Variants in PLD5 observed in about 807,000 individuals in gnomAD.
PLD5 encodes the protein inactive phospholipase D5.
Under a neutral mutation model 61.1 loss-of-function variants are expected in PLD5, and 36 were observed. That is an observed-to-expected ratio of 0.59 (90% CI 0.45 to 0.78). The LOEUF is 0.78. Ranked by LOEUF, PLD5 falls within the 30% of genes least tolerant of loss-of-function variation. The pLI, the probability that PLD5 is intolerant of heterozygous loss-of-function variation, is 0.00. For missense variants in PLD5, 515 were observed against 644.4 expected (o/e 0.80, Z 2.17); for synonymous variants, 243 against 242.8 (o/e 1.00, Z -0.01).
In PLD5 at chr1:242,228,108, C is replaced by T. The variant is rs368098890; in HGVS notation, c.608-7993G>A. On this transcript the variant is annotated intron_variant, in intron 4 of 9. Coordinates refer to ENST00000536534, the MANE Select transcript of PLD5 (RefSeq NM_001372062.1). ...TTTAACAATGGCGTGTTCACATTTA[C>T]ACATTACACTTGCACACGAGGAAGA... Among the ~76,000 whole-genome samples the T allele has an allele frequency of 2.6e-5, 4 of 152,320 alleles. 1 individual carries two copies. Among genetic ancestry groups the T allele is most frequent in the Admixed American group, 2.6e-4 (4 of 15,306 alleles).
chr1:242,219,176 C>T (rs529406463), intron 5 of PLD5, among the ~76,000 whole-genome samples: 3 of 152,282 alleles, frequency 2.0e-5, no homozygotes, highest in Admixed American at 6.5e-5. Flanking sequence ...TGCTTTATGT[C>T]ACACTGAGGT....
chr1:242,201,314 T>C (rs940135232), intron 5 of PLD5, among the ~76,000 whole-genome samples: 2 of 152,200 alleles, frequency 1.3e-5, no homozygotes, highest in Admixed American at 1.3e-4. Context: ...GAATGATTTA[T>C]GGGCATAAAA....
intron 1 of PLD5, among the ~76,000 whole-genome samples, chr1:242,514,491 G>A (rs1669036776): frequency 2.6e-5 from 4 of 152,056 alleles, no homozygotes; most frequent in South Asian, 4.2e-4. Flanking sequence ...ACTGGGTACT[G>A]GGCTTAAGAC....
At chr1:242,510,108 A>C (rs1164590628) in intron 1 of PLD5, among the ~76,000 whole-genome samples, 3 of 152,114 alleles carry the variant, frequency 2.0e-5, no homozygotes, top group Admixed American at 2.0e-4. Context: ...GGAAAGTTCC[A>C]AGTCAGTTTT....
At chr1:242,185,124 C>T (rs540889957) in intron 5 of PLD5, among the ~76,000 whole-genome samples, 2 of 152,154 alleles carry the variant, frequency 1.3e-5, no homozygotes, top group African/African-American at 2.4e-5. Flanking sequence ...TGGAATCCAC[C>T]GGGAACACAT....
chr1:242,505,482 T>C (rs1241351988), intron 1 of PLD5, among the ~76,000 whole-genome samples: 2 of 152,192 alleles, frequency 1.3e-5, no homozygotes, highest in African/African-American at 4.8e-5. Flanking sequence ...TAAGTGTCCA[T>C]CAACTGATGA....
rs1302966829 is a variant in PLD5, at chr1:242,085,824, TAATGA to T, written c.*4025_*4029del. 4.0e-5 allele frequency: 6 copies of T among 151,078 alleles called. No homozygotes were observed. The highest frequency in any genetic ancestry group is 1.5e-4 in the African/African-American group (6 of 40,988). The allele number at this position is 151,078 out of a possible 1,614,324, so 9.4% of individuals were successfully genotyped here. A position where few individuals can be genotyped will look rare whatever the true frequency, so the allele number is the denominator to read the frequency against. ...CGTTTTACATTCCTAAAGTTAAAAA[TAATGA>T]AATGAATTTTGGACACAGAAACACA... On this transcript the variant is annotated 3_prime_UTR_variant, in exon 10 of 10. Transcript: ENST00000536534.
chr1:242,295,987 C>A (rs1675631938), intron 2 of PLD5, among the ~76,000 whole-genome samples: 1 of 152,158 alleles, frequency 6.6e-6, no homozygotes, highest in Non-Finnish European at 1.5e-5. Flanking sequence ...CTAATGTAGA[C>A]AAAACACAGC....
At chr1:242,188,429 G>A (rs1668042766) in intron 5 of PLD5, among the ~76,000 whole-genome samples, 1 of 152,216 alleles carries the variant, frequency 6.6e-6, no homozygotes, top group African/African-American at 2.4e-5. Flanking sequence ...CTTGGGCAAA[G>A]AGATAATGGA....
chr1:242,185,156 C>T (rs966554590), intron 5 of PLD5, among the ~76,000 whole-genome samples: 23 of 152,108 alleles, frequency 1.5e-4, no homozygotes, highest in African/African-American at 5.1e-4. Flanking sequence ...AGTGTGTTCC[C>T]GAAATAAATG....
chr1:242,284,245 G>C (rs7522478), intron 3 of PLD5, among the ~76,000 whole-genome samples: 97,893 of 148,580 alleles, frequency 0.66, 32,020 homozygotes, highest in African/African-American at 0.72. Context: ...TCCAGCAATT[G>C]TTCTGTTTCA....
intron 2 of PLD5, among the ~76,000 whole-genome samples, chr1:242,299,179 G>A (rs1675889091): frequency 6.6e-6 from 1 of 151,994 alleles, no homozygotes; most frequent in East Asian, 1.9e-4. Flanking sequence ...ATCCATTTAT[G>A]TGGTATATGA....
intron 1 of PLD5, among the ~76,000 whole-genome samples, chr1:242,448,135 A>G (rs1666623683): frequency 6.6e-6 from 1 of 152,238 alleles, no homozygotes; most frequent in Non-Finnish European, 1.5e-5. Flanking sequence ...TGAGATGATA[A>G]AAGGTACCAG....
chr1:242,352,426 A>G (rs565592480), intron 1 of PLD5, among the ~76,000 whole-genome samples: 102 of 152,320 alleles, frequency 6.7e-4, no homozygotes, highest in South Asian at 1.2e-3. Flanking sequence ...CATACATTCC[A>G]TATTTTCAAA....
At position 242,403,088 on chromosome 1, in the gene PLD5, T is replaced by C. The variant is rs145356713; in HGVS notation, c.190-54846A>G. On this transcript the variant is annotated intron_variant, in intron 1 of 9. Coordinates refer to ENST00000536534, the MANE Select transcript of PLD5 (RefSeq NM_001372062.1). ...ACAGAAAACATGTGGAGGTTAGTTT[T>C]TCTTTCGGAAAGATGCTTAATCATC... 2.1e-4 allele frequency among the ~76,000 whole-genome samples: 32 copies of C among 152,352 alleles called. No homozygotes were observed. In the East Asian group the frequency reaches 2.9e-3, roughly 14 times the overall value.
chr1:242,252,942 G>A (rs1430293113), intron 4 of PLD5, among the ~76,000 whole-genome samples: 2 of 148,456 alleles, frequency 1.3e-5, no homozygotes, highest in Non-Finnish European at 3.0e-5. Context: ...TCAGCCTCCC[G>A]AGTAGCTGGG....
intron 1 of PLD5, among the ~76,000 whole-genome samples, chr1:242,420,376 C>T (rs1015274612): frequency 1.3e-5 from 2 of 152,162 alleles, no homozygotes; most frequent in Admixed American, 1.3e-4. Context: ...AAAGTCAGCA[C>T]TTCATTCTTA....
chr1:242,394,067 C>CAT lies in PLD5; in HGVS notation c.190-45827_190-45826dup, dbSNP rs1162018302. 7.1e-4 allele frequency among the ~76,000 whole-genome samples: 47 copies of CAT among 66,496 alleles called. 2 individuals carry two copies. The highest frequency in any genetic ancestry group is 1.1e-3 in the East Asian group (3 of 2,752). The allele number at this position is 66,496 out of a possible 152,430, so 43.6% of individuals were successfully genotyped here. On this transcript the variant is annotated intron_variant, in intron 1 of 9. Transcript: ENST00000536534. Reference sequence around the variant, plus strand: ...ACGACGACTCCATCTCAAAAAAAAACATATATATATATGAGTATATATATG... The same window carrying CAT: ...ACGACGACTCCATCTCAAAAAAAAACATATATATATATATGAGTATATATATG...
intron 1 of PLD5, among the ~76,000 whole-genome samples, chr1:242,375,540 TC>T (rs1473637541): frequency 1.3e-5 from 2 of 152,154 alleles, no homozygotes; most frequent in African/African-American, 4.8e-5. Flanking sequence ...GCAAGACCTT[TC>T]GAGGAACCGA....
Sources: gnomAD v4.1 joint callset for allele counts (sites outside exome capture counted in the v4.1 genomes callset) on GRCh38, gnomAD v4.1.1 for gene constraint, MANE v1.5 for transcripts, NCBI Gene and HGNC (gene_info 2026-07-23, HGNC 2026-07-21) for gene names.